Variants in SLCO2B1 observed in about 807,000 individuals in gnomAD.
The protein encoded by SLCO2B1 is OATP-RP2.
A neutral mutation model predicts 67.3 loss-of-function variants in SLCO2B1; 41 were observed. The ratio of observed to expected loss-of-function variants is 0.61; its 90% CI spans 0.47 to 0.79. The LOEUF (loss-of-function observed/expected upper bound fraction) is 0.79. Among genes scored for constraint, SLCO2B1 ranks in the 30% least tolerant of loss-of-function variants. The pLI is 0.00. For missense variants in SLCO2B1, 837 were observed against 920.1 expected (o/e 0.91, Z 1.17); for synonymous variants, 379 against 381.4 (o/e 0.99, Z 0.07).
rs979769965 is a variant in SLCO2B1, at chr11:75,166,062, C to T, written c.448+113C>T. The T allele has an allele frequency of 1.6e-5, 20 of 1,282,876 alleles. No individual in the cohort carries two copies. In the African/African-American group the frequency reaches 2.7e-4, roughly 17 times the overall value. The allele number at this position is 1,282,876 out of a possible 1,614,324, so 79.5% of individuals were successfully genotyped here. ...AGGATACACCCCAAAACCTCAACAC[C>T]CCAGGACAGCTGCTAGTCCCCCCCC... On this transcript the variant is annotated intron_variant, in intron 4 of 13. Coordinates refer to ENST00000289575, the MANE Select transcript of SLCO2B1 (RefSeq NM_007256.5).
In SLCO2B1 at chr11:75,152,644, A is replaced by T. The variant is rs536215843; in HGVS notation, c.16+1247A>T. The T allele has an allele frequency of 2.6e-5, 4 of 152,154 alleles. No individual in the cohort carries two copies. The East Asian group carries it at 5.8e-4, about 22-fold the overall frequency. The allele number at this position is 152,154 out of a possible 1,614,324, so 9.4% of individuals were successfully genotyped here. A position where few individuals can be genotyped will look rare whatever the true frequency, so the allele number is the denominator to read the frequency against. On this transcript the variant is annotated intron_variant, in intron 1 of 13. Coordinates refer to ENST00000289575, the MANE Select transcript of SLCO2B1 (RefSeq NM_007256.5). ...CGGGGAGTGTGGGAACTAACTAGAG[A>T]CTTTGGCTGCACTACACCTCCCCAC...
At chr11:75,182,611 GTGTGCTTGTAGTC>G (rs1320857960) in intron 7 of SLCO2B1, among the ~76,000 whole-genome samples, 6 of 152,050 alleles carry the variant, frequency 3.9e-5, no homozygotes, top group Non-Finnish European at 8.8e-5. Context: ...GTGTGGTGGC[GTGTGCTTGTAGTC>G]TCAGCTACTC....
intron 3 of SLCO2B1, 59 bp downstream of exon 3, chr11:75,164,159 C>T (rs2140308084): frequency 6.5e-7 from 1 of 1,542,386 alleles, no homozygotes; most frequent in Non-Finnish European, 8.8e-7. Context: ...CCGCACCTTC[C>T]ACCAGCCTCC....
chr11:75,169,607 C>T (rs1420368514), intron 5 of SLCO2B1, 59 bp from the exon 6 acceptor site: 2 of 1,434,974 alleles, frequency 1.4e-6, no homozygotes, highest in East Asian at 2.3e-5. Context: ...ACTGGGCAAG[C>T]ACTGGTCTGC....
chr11:75,203,317 C>T lies in SLCO2B1; in HGVS notation c.1839C>T (p.Pro613=). 1 of 1,613,788 alleles carries T rather than the reference C, an allele frequency of 6.2e-7. No individual in the cohort carries two copies. Among genetic ancestry groups the T allele is most frequent in the East Asian group, 2.2e-5 (1 of 44,866 alleles). ...FMFLRILAWM[P]SPVIHGSAID... is the part of the protein sequence containing the mutation. The stretch of plus-strand genomic sequence containing the variant: ...CACCACCTCCCTCAGCCTGGATGCC[C>T]AGCCCCGTGATCCACGGCAGCGCCA... The change falls in exon 13 of 14, where the codon CCC becomes CCT. Residue 613 remains proline (P), a synonymous_variant. Coordinates refer to ENST00000289575, the MANE Select transcript of SLCO2B1 (RefSeq NM_007256.5).
rs113701638 is a variant in SLCO2B1 at position 75,169,277 on chromosome 11, C to A, written c.553C>A (p.His185Asn). The change falls in exon 5 of 14, where the codon CAT (histidine) becomes AAT (asparagine). Residue 185 changes from histidine to asparagine, a missense_variant. By Grantham distance (68) the His-to-Asn change is moderately conservative. Transcript: ENST00000289575. ...GNCSSYTETQ[H>N]LSVVGIMFVA... is the part of the protein sequence containing the mutation. Reference sequence around the variant, plus strand: ...CTGCTCAAGCTACACAGAAACCCAGCATCTGAGTGTGGTGGGGATCATGTT... The same window carrying A: ...CTGCTCAAGCTACACAGAAACCCAGAATCTGAGTGTGGTGGGGATCATGTT... 2 of 1,614,206 alleles carry A rather than the reference C, an allele frequency of 1.2e-6. No individual in the cohort carries two copies. The highest frequency in any genetic ancestry group is 2.2e-5 in the South Asian group (2 of 91,086).
chr11:75,204,290 A>G (rs1040045279), intron 13 of SLCO2B1, 110 bp from the exon 14 acceptor site: 13 of 1,144,092 alleles, frequency 1.1e-5, no homozygotes, highest in Non-Finnish European at 1.6e-5. Flanking sequence ...GCAGAGGTCA[A>G]TGTCTCCCTG....
At chr11:75,183,456 C>G (rs1950111883) in intron 7 of SLCO2B1, among the ~76,000 whole-genome samples, 1 of 152,206 alleles carries the variant, frequency 6.6e-6, no homozygotes. Context: ...TCAAATCACA[C>G]CACAAAGATG....
chr11:75,193,312 G>T lies in SLCO2B1; in HGVS notation c.1170G>T (p.Met390Ile). ...GCTTGTCATCCATGGCTGCGGGCATGGCCACCTTCCTGCCCAAGTTCCTGG... is the reference window on the plus strand; with the variant it reads ...GCTTGTCATCCATGGCTGCGGGCATTGCCACCTTCCTGCCCAAGTTCCTGG... ...QVCLSSMAAG[M>I]ATFLPKFLER... Residue 390 changes from methionine to isoleucine, a missense_variant, in exon 9 of 14, where the codon ATG (methionine) becomes ATT (isoleucine). Coordinates refer to ENST00000289575, the MANE Select transcript of SLCO2B1 (RefSeq NM_007256.5). The surrounding 1 kb of genome is among the most constrained non-coding windows in gnomAD (Gnocchi z 4.2). 1 of 1,614,044 alleles carries T rather than the reference G, an allele frequency of 6.2e-7. No homozygotes were observed. The highest frequency in any genetic ancestry group is 8.5e-7 in the Non-Finnish European group (1 of 1,180,016).
chr11:75,160,692 C>T (rs1049672885), intron 1 of SLCO2B1, among the ~76,000 whole-genome samples: 11 of 152,222 alleles, frequency 7.2e-5, no homozygotes, highest in Non-Finnish European at 1.3e-4. Flanking sequence ...TCCTTGCTTC[C>T]TCTGAGTGTT....
In SLCO2B1 at chr11:75,204,737, C is replaced by A; in HGVS notation, c.*157C>A. The A allele has an allele frequency of 1.7e-6, 1 of 589,612 alleles. No homozygotes were observed. Among genetic ancestry groups the A allele is most frequent in the Non-Finnish European group, 2.7e-6 (1 of 364,164 alleles). The allele number at this position is 589,612 out of a possible 1,614,324, so 36.5% of individuals were successfully genotyped here. On this transcript the variant is annotated 3_prime_UTR_variant, in exon 14 of 14. Transcript: ENST00000289575. Reference sequence around the variant, plus strand: ...AGGCAAGACATTGATCCTCTCTCAGCCTTTGCTTGCTAGTCTGAACCAAAG... The same window carrying A: ...AGGCAAGACATTGATCCTCTCTCAGACTTTGCTTGCTAGTCTGAACCAAAG...
At chr11:75,189,073 C>T (rs917591080) in intron 8 of SLCO2B1, among the ~76,000 whole-genome samples, 3 of 152,216 alleles carry the variant, frequency 2.0e-5, no homozygotes, top group African/African-American at 7.2e-5. Context: ...CTCCGTTTCC[C>T]CATCTATATA....
intron 12 of SLCO2B1, 52 bp downstream of exon 12, chr11:75,203,017 A>C (rs766450456): frequency 6.7e-7 from 1 of 1,498,598 alleles, no homozygotes; most frequent in Admixed American, 1.7e-5. Context: ...CCAGATGCCC[A>C]CTGTGTGCCA....
intron 7 of SLCO2B1, among the ~76,000 whole-genome samples, chr11:75,186,503 C>A (rs1591828267): frequency 6.6e-6 from 1 of 152,042 alleles, no homozygotes; most frequent in Middle Eastern, 3.4e-3. Context: ...GCCGCCACGC[C>A]CGACTGATTT....
chr11:75,182,733 C>A (rs997342168), intron 7 of SLCO2B1, among the ~76,000 whole-genome samples: 7 of 150,596 alleles, frequency 4.6e-5, no homozygotes, highest in Non-Finnish European at 7.4e-5. Flanking sequence ...CACAGCAAGG[C>A]TCTGTTAAAA....
At chr11:75,186,646 C>T (rs1418327575) in intron 7 of SLCO2B1, among the ~76,000 whole-genome samples, 1 of 152,210 alleles carries the variant, frequency 6.6e-6, no homozygotes, top group Non-Finnish European at 1.5e-5. Flanking sequence ...AACCATCACA[C>T]CCGGCCTAGG....
chr11:75,165,712 A>G, intron 3 of SLCO2B1, 75 bp from the exon 4 acceptor site: 3 of 1,464,436 alleles, frequency 2.0e-6, no homozygotes, highest in Non-Finnish European at 2.8e-6. Flanking sequence ...GAAGTTAGAC[A>G]TAGAGACAAG....
intron 4 of SLCO2B1, among the ~76,000 whole-genome samples, chr11:75,167,468 T>C (rs1949907054): frequency 6.6e-6 from 1 of 152,112 alleles, no homozygotes; most frequent in Admixed American, 6.5e-5. Flanking sequence ...GCCTCCGTCT[T>C]TACATCAGCC....
At chr11:75,162,955 C>A in intron 2 of SLCO2B1, 170 bp downstream of exon 2, 1 of 750,322 alleles carries the variant, frequency 1.3e-6, no homozygotes, top group Non-Finnish European at 2.1e-6. Flanking sequence ...AGCTGGGTTT[C>A]GGGCACATGG....
Sources: gnomAD v4.1 joint callset for allele counts (sites outside exome capture counted in the v4.1 genomes callset) on GRCh38, gnomAD v4.1.1 for gene constraint, Gnocchi (gnomAD v3.1) non-coding constraint, MANE v1.5 for transcripts, NCBI Gene and HGNC (gene_info 2026-07-23, HGNC 2026-07-21) for gene names.